Variants in RTN4 observed in about 807,000 individuals in gnomAD.
RTN4 encodes the protein reticulon 4.
In RTN4, 32 loss-of-function variants were observed where a neutral mutation model predicts 90.4. That is an observed-to-expected ratio of 0.35 (90% CI 0.27 to 0.48). RTN4 has a LOEUF of 0.48. Ranked by LOEUF, RTN4 falls within the 20% of genes least tolerant of loss-of-function variation. RTN4 has a pLI of 0.99. For synonymous variants in RTN4, 629 were observed against 552.5 expected (o/e 1.14, Z -1.94); for missense variants, 1,706 against 1,430.2 (o/e 1.19, Z -3.11).
At chr2:55,083,748 C>G (rs919196692) in intron 1 of RTN4, among the ~76,000 whole-genome samples, 19 of 152,194 alleles carry the variant, frequency 1.2e-4, no homozygotes, top group African/African-American at 4.6e-4. Context: ...TTTCCCCTAA[C>G]AGTTACTTTA....
rs544927533 is a variant in RTN4 at position 55,034,304 on chromosome 2, C to A, written c.557-6084G>T. On this transcript the variant is annotated intron_variant, in intron 1 of 8. Transcript: ENST00000337526. ...TTGCTTGAGCCCTGGGGTACGAGAC[C>A]AGCCCAGGCAACAAAGTGAGACCCC... is the stretch of plus-strand genomic sequence containing the variant. 3.9e-5 allele frequency among the ~76,000 whole-genome samples: 6 copies of A among 152,120 alleles called. No individual in the cohort carries two copies. In the South Asian group the frequency reaches 1.2e-3, roughly 32 times the overall value.
chr2:55,006,055 T>C (rs938995705), intron 3 of RTN4, among the ~76,000 whole-genome samples: 2 of 152,126 alleles, frequency 1.3e-5, no homozygotes, highest in Non-Finnish European at 2.9e-5. Flanking sequence ...TAAAATAGCG[T>C]ACAGTATTTA....
intron 3 of RTN4, among the ~76,000 whole-genome samples, chr2:55,022,281 C>T (rs1681498411): frequency 3.3e-5 from 5 of 152,154 alleles, no homozygotes; most frequent in Admixed American, 2.6e-4. Context: ...CTGCTCTGGG[C>T]TTCTGAGACC....
intron 3 of RTN4, among the ~76,000 whole-genome samples, chr2:55,000,923 T>C (rs1679808143): frequency 6.6e-6 from 1 of 152,128 alleles, no homozygotes; most frequent in Non-Finnish European, 1.5e-5. Flanking sequence ...ATAAACCATG[T>C]TTTGTTTAAA....
At chr2:55,076,219 C>T (rs1668595876) in intron 2 of RTN4, among the ~76,000 whole-genome samples, 1 of 152,008 alleles carries the variant, frequency 6.6e-6, no homozygotes, top group African/African-American at 2.4e-5. Flanking sequence ...CTACAAGGAA[C>T]ACAAACAAAT....
At chr2:55,073,085 A>G (rs1397506932) in intron 2 of RTN4, among the ~76,000 whole-genome samples, 1 of 152,208 alleles carries the variant, frequency 6.6e-6, no homozygotes, top group African/African-American at 2.4e-5. Context: ...TGGGTTTTAC[A>G]TATTTTTAAA....
chr2:55,114,190 A>G (rs1668083762), upstream of RTN4, among the ~76,000 whole-genome samples: 1 of 152,358 alleles, frequency 6.6e-6, no homozygotes, highest in Middle Eastern at 3.4e-3. Context: ...CACACTTAGA[A>G]TATTTTATGA....
In RTN4 at chr2:55,050,000, C is replaced by T; in HGVS notation, c.301G>A (p.Ala101Thr). The change falls in exon 1 of 9, where the codon GCC (alanine) becomes ACC (threonine). Residue 101 changes from alanine to threonine, a missense_variant. Transcript: ENST00000337526. ...TCCCAAGACGGCTGCCGCTCCGGGG[C>T]GACGGGGGGAGCGGCCGGCAGGGGT... ...RGPLPAAPPVAPERQPSWDPS... is the reference protein window; with the variant it reads ...RGPLPAAPPVTPERQPSWDPS... 1 of 1,375,770 alleles carries T rather than the reference C, an allele frequency of 7.3e-7. No individual in the cohort carries two copies. The highest frequency in any genetic ancestry group is 3.7e-5 in the Admixed American group (1 of 27,024). 85.2% of individuals were successfully genotyped at this position (1,375,770 alleles called of 1,614,324 possible). A position where few individuals can be genotyped will look rare whatever the true frequency, so the allele number is the denominator to read the frequency against.
chr2:55,057,930 G>T (rs1374750089), intron 2 of RTN4, among the ~76,000 whole-genome samples: 1 of 152,126 alleles, frequency 6.6e-6, no homozygotes, highest in East Asian at 1.9e-4. Context: ...TTACAGTAAG[G>T]CATGATTGTA....
rs112790804 is a variant in RTN4 at position 55,042,713 on chromosome 2, A to G, written c.556+7032T>C. Among the ~76,000 whole-genome samples the G allele has an allele frequency of 6.0e-3, 918 of 152,310 alleles. 9 individuals carry two copies. The highest frequency in any genetic ancestry group is 7.2e-3 in the Non-Finnish European group (492 of 68,014). On this transcript the variant is annotated intron_variant, in intron 1 of 8. Transcript: ENST00000337526. The stretch of plus-strand genomic sequence containing the variant: ...TTTATTGAGAGAAGATATTATAGTA[A>G]TTCTAGAACTATACAGAATATGAAG...
Position 55,050,318 on chromosome 2 carries a change from G to A in RTN4, c.-18C>T, listed in dbSNP as rs1668035410. The A allele has an allele frequency of 7.2e-7, 1 of 1,388,474 alleles. No individual in the cohort carries two copies. The allele number at this position is 1,388,474 out of a possible 1,614,324, so 86.0% of individuals were successfully genotyped here. A position where few individuals can be genotyped will look rare whatever the true frequency, so the allele number is the denominator to read the frequency against. On this transcript the variant is annotated 5_prime_UTR_variant, in exon 1 of 9. Transcript: ENST00000337526. The surrounding 1 kb of genome is among the most constrained non-coding windows in gnomAD (Gnocchi z 4.6). ...TCTTCCATGGCTGGAGGGTGGAGAT[G>A]ATGCTGCAGCTGCTGCCGCCGCCGC...
At chr2:54,987,175 C>G (rs1678631786) in intron 4 of RTN4, among the ~76,000 whole-genome samples, 1 of 152,000 alleles carries the variant, frequency 6.6e-6, no homozygotes, top group South Asian at 2.1e-4. Flanking sequence ...AAAGAATATC[C>G]TCATCAAACC....
intron 1 of RTN4, among the ~76,000 whole-genome samples, chr2:55,101,329 G>A (rs2968813): frequency 0.98 from 149,221 of 152,120 alleles, 73,224 homozygotes; most frequent in Admixed American, 0.99. Context: ...CAATGTTGTT[G>A]TAACTTGTTC....
At chr2:55,048,561 G>T (rs979956640) in intron 1 of RTN4, among the ~76,000 whole-genome samples, 65 of 151,750 alleles carry the variant, frequency 4.3e-4, no homozygotes, top group Admixed American at 1.2e-3. Flanking sequence ...GCCTACACAG[G>T]GTCAAGATCA....
At chr2:55,049,325 A>C in intron 1 of RTN4, 3 of 239,992 alleles carry the variant, frequency 1.3e-5, no homozygotes, top group Non-Finnish European at 1.4e-5. Flanking sequence ...CCAGACGGGT[A>C]GACAAAAGCA....
In RTN4 at chr2:54,973,682, T is replaced by C. The variant is rs1182845159; in HGVS notation, c.3478-61A>G. ...TAAAGAATCTTATTAACCACTACTA[T>C]GTGTCAAGCTAAAGGCTTAAGAAAC... is the stretch of plus-strand genomic sequence containing the variant. On this transcript the variant is annotated intron_variant, in intron 7 of 8. Coordinates refer to ENST00000337526, the MANE Select transcript of RTN4 (RefSeq NM_020532.5). The C allele has an allele frequency of 8.0e-6, 12 of 1,504,860 alleles. No individual in the cohort carries two copies. The South Asian group carries it at 1.1e-4, about 14-fold the overall frequency. 93.2% of individuals were successfully genotyped at this position (1,504,860 alleles called of 1,614,324 possible). A position where few individuals can be genotyped will look rare whatever the true frequency, so the allele number is the denominator to read the frequency against.
In RTN4 at chr2:55,026,725, T is replaced by C; in HGVS notation, c.1374A>G (p.Ser458=). 1.2e-6 allele frequency: 2 copies of C among 1,613,904 alleles called. No individual in the cohort carries two copies. Among genetic ancestry groups the C allele is most frequent in the Non-Finnish European group, 1.7e-6 (2 of 1,179,812 alleles). ...PSTPEGIKDR[S]GAYITCAPFN... Reference sequence around the variant, plus strand: ...AGGGAGCACATGTGATATATGCTCCTGAACGATCCTTTATACCTTCTGGCG... The same window carrying C: ...AGGGAGCACATGTGATATATGCTCCCGAACGATCCTTTATACCTTCTGGCG... Residue 458 remains serine (S), a synonymous_variant, in exon 3 of 9, where the codon TCA becomes TCG. Transcript: ENST00000337526.
intron 3 of RTN4, chr2:55,014,619 G>T (rs991269183): frequency 1.3e-5 from 2 of 151,920 alleles, no homozygotes; most frequent in African/African-American, 4.8e-5. Flanking sequence ...CCGGGTTCAA[G>T]TGATTCTCCT....
intron 1 of RTN4, among the ~76,000 whole-genome samples, chr2:55,090,486 T>G (rs539374220): frequency 9.8e-5 from 15 of 152,298 alleles, no homozygotes; most frequent in African/African-American, 2.9e-4. Flanking sequence ...GAAGAAGAGA[T>G]AGTCCCTAAA....
Sources: allele counts gnomAD v4.1 joint callset (sites outside exome capture counted in the v4.1 genomes callset), GRCh38; gene constraint gnomAD v4.1.1; non-coding constraint Gnocchi (gnomAD v3.1); transcripts MANE v1.5; gene names NCBI Gene and HGNC (gene_info 2026-07-23, HGNC 2026-07-21).